The following SUN1 variants were observed in gnomAD, a reference collection of about 807,000 sequenced individuals.
The protein encoded by SUN1 is Sad1 and UNC84 domain containing 1.
A neutral mutation model predicts 103.2 loss-of-function variants in SUN1; 61 were observed. The observed-to-expected ratio is 0.59, with a 90% CI of 0.48 to 0.73. SUN1 has a LOEUF of 0.73. Among genes scored for constraint, SUN1 ranks in the 30% least tolerant of loss-of-function variants. The pLI is 0.00. For missense variants in SUN1, 1,052 were observed against 1,034.6 expected, an observed-to-expected ratio of 1.02 and a Z score of -0.23; for synonymous variants, 490 against 425.7, an observed-to-expected ratio of 1.15 and a Z score of -1.86.
At chr7:830,592 C>CG (rs1171374956), upstream of SUN1, among the ~76,000 whole-genome samples, 1 of 21,826 alleles carries the variant, frequency 4.6e-5, no homozygotes, top group Non-Finnish European at 9.1e-5. Context: ...ATCCTCACTT[C>CG]CTCAGCACCT....
upstream of SUN1, chr7:830,905 G>C (rs902238276): frequency 1.0e-6 from 1 of 975,760 alleles, no homozygotes; most frequent in Non-Finnish European, 1.2e-6. Flanking sequence ...GCTGCTGGGC[G>C]GGGCTGGGTT....
intron 4 of SUN1, 53 bp downstream of exon 4, chr7:843,285 G>A: frequency 1.2e-6 from 2 of 1,604,108 alleles, no homozygotes; most frequent in Non-Finnish European, 1.7e-6. Context: ...AGAAGTTTTA[G>A]TTAAATATCT....
chr7:841,203 G>T (rs2128291134), intron 2 of SUN1, among the ~76,000 whole-genome samples: 1 of 151,060 alleles, frequency 6.6e-6, no homozygotes, highest in Admixed American at 6.6e-5. Context: ...AAAGTGCTGG[G>T]ATGACAGGTG....
rs572198269 is a variant in SUN1, at chr7:854,169, T to G, written c.1263+551T>G. Among the ~76,000 whole-genome samples the G allele has an allele frequency of 4.6e-4, 70 of 152,312 alleles. No homozygotes were observed. The South Asian group carries it at 0.012, about 26-fold the overall frequency. ...CGTGAAAACTGAACTGTGTGTGAAT[T>G]GAATTGTGTGTGGCCTGAGCTCACT... On this transcript the variant is annotated intron_variant, in intron 10 of 18. Coordinates refer to ENST00000401592, the MANE Select transcript of SUN1 (RefSeq NM_001130965.3).
chr7:847,114 C>T (rs1187218153), intron 5 of SUN1, among the ~76,000 whole-genome samples: 1 of 152,200 alleles, frequency 6.6e-6, no homozygotes, highest in Non-Finnish European at 1.5e-5. Flanking sequence ...GGCTGTTTGG[C>T]AGTATCTGAA....
At chr7:818,843 C>G (rs1783272050) in intron 1 of SUN1, among the ~76,000 whole-genome samples, 1 of 149,076 alleles carries the variant, frequency 6.7e-6, no homozygotes, top group South Asian at 2.1e-4. Context: ...AATTCTCATT[C>G]AGGTCCTTCC....
chr7:817,446 C>G (rs1474033190), intron 1 of SUN1: 3 of 1,536,030 alleles, frequency 2.0e-6, no homozygotes, highest in South Asian at 1.2e-5. Flanking sequence ...CACCTTGCCA[C>G]TGTCACCGTC....
intron 1 of SUN1, among the ~76,000 whole-genome samples, chr7:834,423 C>T (rs774460834): frequency 3.3e-5 from 5 of 152,090 alleles, no homozygotes; most frequent in Non-Finnish European, 5.9e-5. Context: ...AGTGGAGGCC[C>T]GTGGAGCACA....
At chr7:864,091 C>T (rs1297155311) in intron 15 of SUN1, among the ~76,000 whole-genome samples, 2 of 152,082 alleles carry the variant, frequency 1.3e-5, no homozygotes, top group African/African-American at 4.8e-5. Flanking sequence ...AACTAATTAT[C>T]TATTTTTTAA....
Position 819,056 on chromosome 7 carries a change from T to A in SUN1, c.-74+2383T>A, listed in dbSNP as rs181440634. Among the ~76,000 whole-genome samples, 172 of 152,104 alleles carry A rather than the reference T, an allele frequency of 1.1e-3. 1 individual carries two copies. Among genetic ancestry groups the A allele is most frequent in the African/African-American group, 3.9e-3 (163 of 41,496 alleles). ...TTTTGTATTTTTAGTAGAGATGGGG[T>A]TTCTCCATGTTGGTCAGGCTGGTCT... On this transcript the variant is annotated intron_variant, in intron 1 of 17. Transcript: ENST00000389574.
Position 832,476 on chromosome 7 carries a change from A to G in SUN1, c.-49A>G, listed in dbSNP as rs1672798708. 1.3e-6 allele frequency: 2 copies of G among 1,577,326 alleles called. No individual in the cohort carries two copies. The highest frequency in any genetic ancestry group is 1.7e-4 in the Middle Eastern group (1 of 6,046). Reference sequence around the variant, plus strand: ...CGCTCGATTTCCTGCCCGTTAAAACACTCTGCATTTCTTTCCCGCCCTCTG... The same window carrying G: ...CGCTCGATTTCCTGCCCGTTAAAACGCTCTGCATTTCTTTCCCGCCCTCTG... On this transcript the variant is annotated 5_prime_UTR_variant, in exon 1 of 19. Transcript: ENST00000401592.
intron 18 of SUN1, among the ~76,000 whole-genome samples, chr7:872,980 AG>A (rs1162662789): frequency 6.6e-6 from 1 of 152,186 alleles, no homozygotes; most frequent in Non-Finnish European, 1.5e-5. Flanking sequence ...CCAGCTACTC[AG>A]GAGGCTGAGG....
chr7:872,394 C>A, intron 17 of SUN1, 76 bp from the exon 18 acceptor site: 1 of 1,219,214 alleles, frequency 8.2e-7, no homozygotes, highest in Non-Finnish European at 1.2e-6. Flanking sequence ...TTAGTGCTGG[C>A]TGTGGAAGGG....
At chr7:831,432 T>C (rs1797872502), upstream of SUN1, among the ~76,000 whole-genome samples, 1 of 151,976 alleles carries the variant, frequency 6.6e-6, no homozygotes, top group Non-Finnish European at 1.5e-5. Flanking sequence ...CCACCACGCC[T>C]GGCTAATTTT....
Position 836,211 on chromosome 7 carries a change from T to C in SUN1, c.78-2587T>C, listed in dbSNP as rs576466685. On this transcript the variant is annotated intron_variant, in intron 1 of 18. Transcript: ENST00000401592. The stretch of plus-strand genomic sequence containing the variant: ...GGAGCCAGTAGAGAAGCTGAAGATG[T>C]AGGAGAACGAGGAAGGGCCTCCTGC... 2.7e-3 allele frequency among the ~76,000 whole-genome samples: 411 copies of C among 151,944 alleles called. 1 individual carries two copies. The highest frequency in any genetic ancestry group is 4.2e-3 in the South Asian group (20 of 4,796).
At chr7:840,680 C>T (rs1466116198) in intron 2 of SUN1, among the ~76,000 whole-genome samples, 5 of 138,136 alleles carry the variant, frequency 3.6e-5, no homozygotes, top group African/African-American at 1.4e-4. Context: ...CTCACTCTGT[C>T]TCCCAGGCTG....
chr7:824,507 C>T (rs572343921), intron 1 of SUN1, among the ~76,000 whole-genome samples: 42 of 152,296 alleles, frequency 2.8e-4, no homozygotes, highest in African/African-American at 9.4e-4. Context: ...TCTTCCTAGA[C>T]GCTTTGCAGT....
At chr7:853,341 G>C (rs1336841919) in intron 9 of SUN1, 68 bp from the exon 10 acceptor site, 1 of 1,567,716 alleles carries the variant, frequency 6.4e-7, no homozygotes, top group Non-Finnish European at 8.7e-7. Context: ...ACACTGTTTG[G>C]AGGTTTAACT....
intron 2 of SUN1, among the ~76,000 whole-genome samples, chr7:840,404 TACTGCCACGCCGCGC>T (rs1808200517): frequency 6.6e-6 from 1 of 152,210 alleles, no homozygotes; most frequent in African/African-American, 2.4e-5. Flanking sequence ...GCTGCAGCTG[TACTGCCACGCCGCGC>T]TCTGCCGCGC....
Sources: allele counts gnomAD v4.1 joint callset (sites outside exome capture counted in the v4.1 genomes callset), GRCh38; gene constraint gnomAD v4.1.1; transcripts MANE v1.5; gene names NCBI Gene and HGNC (gene_info 2026-07-23, HGNC 2026-07-21).